The following MCHR2 variants were observed in gnomAD, a reference collection of about 807,000 sequenced individuals.
MCHR2 encodes melanin-concentrating hormone receptor 2.
Under a neutral mutation model 24.8 loss-of-function variants are expected in MCHR2, and 15 were observed. That is an observed-to-expected ratio of 0.60 (90% CI 0.40 to 0.93). The LOEUF (loss-of-function observed/expected upper bound fraction) is 0.93, where lower values mean the gene tolerates loss of function less well. Among genes scored for constraint, MCHR2 ranks in the 40% least tolerant of loss-of-function variants. The pLI, the probability that MCHR2 is intolerant of heterozygous loss-of-function variation, is 0.00. For missense variants in MCHR2, 386 were observed against 408.7 expected, an observed-to-expected ratio of 0.94 and a Z score of 0.48; for synonymous variants, 151 against 147.6, an observed-to-expected ratio of 1.02 and a Z score of -0.17.
chr6:99,982,080 G>A lies in MCHR2; in HGVS notation c.-28+11856C>T, dbSNP rs574077487. ...GATTTCACATCTCCCTAAACCCCCC[G>A]CTCCCTACCTGTCTCTGTTCTATTC... is the stretch of plus-strand genomic sequence containing the variant. On this transcript the variant is annotated intron_variant, in intron 1 of 5. Transcript: ENST00000281806. Among the ~76,000 whole-genome samples, 254 of 151,860 alleles carry A rather than the reference G, an allele frequency of 1.7e-3. 1 individual carries two copies. The highest frequency in any genetic ancestry group is 3.0e-3 in the Non-Finnish European group (207 of 67,964).
At chr6:99,957,629 T>C (rs1194292263) in intron 1 of MCHR2, among the ~76,000 whole-genome samples, 1 of 152,102 alleles carries the variant, frequency 6.6e-6, no homozygotes, top group Non-Finnish European at 1.5e-5. Context: ...CTCAGAGTTG[T>C]TATTACGTAA....
Position 99,991,836 on chromosome 6 carries a change from A to G in MCHR2, c.-28+2100T>C, listed in dbSNP as rs548202217. On this transcript the variant is annotated intron_variant, in intron 1 of 5. Coordinates refer to ENST00000281806, the MANE Select transcript of MCHR2 (RefSeq NM_001040179.2). ...AAAAAAAAAAAAAAAAGAAAAGAAA[A>G]AAGAAATGAGGCATGCGAACATTGC... 2.2e-3 allele frequency among the ~76,000 whole-genome samples: 328 copies of G among 151,922 alleles called. 2 individuals are homozygous for G. Among genetic ancestry groups the G allele is most frequent in the Non-Finnish European group, 3.6e-3 (242 of 67,908 alleles).
intron 5 of MCHR2, among the ~76,000 whole-genome samples, chr6:99,932,299 T>A (rs1275319899): frequency 6.6e-6 from 1 of 152,166 alleles, no homozygotes; most frequent in East Asian, 1.9e-4. Context: ...TATAGTAATA[T>A]AAATAATATT....
At chr6:99,975,171 G>C (rs1454596176) in intron 1 of MCHR2, among the ~76,000 whole-genome samples, 1 of 152,204 alleles carries the variant, frequency 6.6e-6, no homozygotes, top group Non-Finnish European at 1.5e-5. Flanking sequence ...TTCCCCTAGA[G>C]GTGGAGCCTA....
intron 4 of MCHR2, among the ~76,000 whole-genome samples, chr6:99,940,115 G>C (rs1774744202): frequency 6.6e-6 from 1 of 151,676 alleles, no homozygotes; most frequent in African/African-American, 2.4e-5. Context: ...CCCATATCTG[G>C]ATATTTACAT....
At chr6:99,924,708 T>C (rs1774313284) in intron 5 of MCHR2, among the ~76,000 whole-genome samples, 1 of 152,136 alleles carries the variant, frequency 6.6e-6, no homozygotes, top group African/African-American at 2.4e-5. Flanking sequence ...TTGTATAGTT[T>C]CCAAAATTCC....
intron 1 of MCHR2, among the ~76,000 whole-genome samples, chr6:99,974,087 C>G (rs866841663): frequency 1.3e-5 from 2 of 152,088 alleles, no homozygotes; most frequent in African/African-American, 4.8e-5. Context: ...TCTGTATTTC[C>G]TGAATCTGAA....
At position 99,972,672 on chromosome 6, in the gene MCHR2, C is replaced by A. The variant is rs144609268; in HGVS notation, c.-27-16498G>T. Among the ~76,000 whole-genome samples the A allele has an allele frequency of 2.1e-3, 312 of 152,182 alleles. 2 individuals are homozygous for A. Among genetic ancestry groups the A allele is most frequent in the African/African-American group, 7.2e-3 (300 of 41,522 alleles). ...TGATGTTAGGGTGTCAATTTTGGAT[C>A]TTTCCTGCTTTCTTTTCTGGGCATT... On this transcript the variant is annotated intron_variant, in intron 1 of 5. Transcript: ENST00000281806.
intron 4 of MCHR2, among the ~76,000 whole-genome samples, chr6:99,937,172 T>C (rs748467071): frequency 6.6e-6 from 1 of 152,026 alleles, no homozygotes; most frequent in African/African-American, 2.4e-5. Context: ...TTTGGCTTTT[T>C]CCTTTCCAAT....
intron 1 of MCHR2, among the ~76,000 whole-genome samples, chr6:99,976,016 G>A (rs182749756): frequency 1.6e-3 from 236 of 152,214 alleles, no homozygotes; most frequent in Middle Eastern, 3.4e-3. Flanking sequence ...GCAGGTGCAG[G>A]GTTTGTGGAT....
chr6:99,990,091 G>A (rs151312369), intron 1 of MCHR2, among the ~76,000 whole-genome samples: 3 of 152,266 alleles, frequency 2.0e-5, no homozygotes, highest in East Asian at 3.9e-4. Flanking sequence ...CTTAATGAAA[G>A]TGAGCAGAGC....
rs144091630 is a variant in MCHR2 at position 99,937,433 on chromosome 6, T to G, written c.588-2916A>C. ...ATCAGAAAGGGATGCTGAATTTTATTGAATGATGTTTTGGCATTTATTGAA... is the reference window on the plus strand; with the variant it reads ...ATCAGAAAGGGATGCTGAATTTTATGGAATGATGTTTTGGCATTTATTGAA... On this transcript the variant is annotated intron_variant, in intron 4 of 5. Transcript: ENST00000281806. Among the ~76,000 whole-genome samples, 88 of 152,076 alleles carry G rather than the reference T, an allele frequency of 5.8e-4. 1 individual carries two copies. Among genetic ancestry groups the G allele is most frequent in the Non-Finnish European group, 8.8e-4 (60 of 67,836 alleles).
At chr6:99,960,402 C>A (rs1329026140) in intron 1 of MCHR2, among the ~76,000 whole-genome samples, 1 of 152,162 alleles carries the variant, frequency 6.6e-6, no homozygotes, top group South Asian at 2.1e-4. Flanking sequence ...AATGGCCATA[C>A]TGCCCAAGGT....
intron 1 of MCHR2, among the ~76,000 whole-genome samples, chr6:99,984,397 T>TAC (rs1453495901): frequency 3.3e-5 from 5 of 151,578 alleles, no homozygotes; most frequent in Admixed American, 6.6e-5. Flanking sequence ...TCTCCTGAAG[T>TAC]TATCCCTCCC....
At chr6:99,969,489 A>AG (rs1469069711) in intron 1 of MCHR2, among the ~76,000 whole-genome samples, 4 of 136,946 alleles carry the variant, frequency 2.9e-5, no homozygotes, top group Admixed American at 8.2e-5. Context: ...AAAAAAAAAA[A>AG]AAAGAAAAGA....
At position 99,947,999 on chromosome 6, in the gene MCHR2, T is replaced by G. The variant is rs113038117; in HGVS notation, c.183-28A>C. On this transcript the variant is annotated intron_variant, in intron 2 of 5. Transcript: ENST00000281806. ...GAAAGAGATAGAGGAAACTGAGGAT[T>G]GACATTGAATGTATACAGACTATTC... 5,638 of 1,580,820 alleles carry G rather than the reference T, an allele frequency of 3.6e-3. 195 individuals carry two copies. In the African/African-American group the frequency reaches 0.067, roughly 19 times the overall value.
intron 4 of MCHR2, among the ~76,000 whole-genome samples, chr6:99,942,227 G>A (rs565264814): frequency 6.6e-6 from 1 of 152,146 alleles, no homozygotes; most frequent in Non-Finnish European, 1.5e-5. Context: ...CTGAAAGCTA[G>A]ACATCTGAAA....
At chr6:99,983,910 A>G (rs550705046) in intron 1 of MCHR2, among the ~76,000 whole-genome samples, 7 of 152,174 alleles carry the variant, frequency 4.6e-5, no homozygotes. Flanking sequence ...ACTCCTTTAC[A>G]TCTATCATAA....
chr6:99,936,654 A>T (rs899105853), intron 4 of MCHR2, among the ~76,000 whole-genome samples: 3 of 151,682 alleles, frequency 2.0e-5, no homozygotes, highest in Admixed American at 2.0e-4. Context: ...TTACCTCAGG[A>T]TTTCTTTAGC....
Sources: gnomAD v4.1 joint callset for allele counts (sites outside exome capture counted in the v4.1 genomes callset) on GRCh38, gnomAD v4.1.1 for gene constraint, MANE v1.5 for transcripts, NCBI Gene and HGNC (gene_info 2026-07-23, HGNC 2026-07-21) for gene names.